The following CACNA1C variants were observed in gnomAD, a reference collection of about 807,000 sequenced individuals.
The protein encoded by CACNA1C is voltage-dependent L-type calcium channel subunit alpha-1C.
A neutral mutation model predicts 229.0 loss-of-function variants in CACNA1C; 30 were observed. The observed-to-expected ratio is 0.13, with a 90% CI of 0.10 to 0.18. CACNA1C has a LOEUF of 0.18. Ranked by LOEUF, CACNA1C falls within the 10% of genes least tolerant of loss-of-function variation. The probability of loss-of-function intolerance (pLI) is 1.00; values close to 1 mark genes in which losing one functional copy is unlikely to be tolerated. For synonymous variants in CACNA1C, 1,114 were observed against 1,132.5 expected (o/e 0.98, Z 0.33); for missense variants, 1,658 against 2,845.0 (o/e 0.58, Z 9.49).
chr12:2,674,604 G>A lies in CACNA1C; in HGVS notation c.4790G>A (p.Ser1597Asn). ...ATCAAGAAGATCTGGAAGCGGACCA[G>A]CATGAAGCTGCTGGACCAGGTGGTG... ...AIIKKIWKRT[S>N]MKLLDQVVPP... Residue 1597 changes from serine (S) to asparagine (N), a missense_variant, in exon 39 of 47, where the codon AGC (serine) becomes AAC (asparagine). Physicochemically the swap from Ser to Asn is conservative, Grantham distance 46 (BLOSUM62 1). This residue lies in a region of CACNA1C where 151 missense variants were observed against 344.4 expected (regional missense o/e 0.44). Transcript: ENST00000399655. 6.3e-7 allele frequency: 1 copy of A among 1,575,236 alleles called. No homozygotes were observed. Among genetic ancestry groups the A allele is most frequent in the Non-Finnish European group, 8.6e-7 (1 of 1,159,910 alleles).
rs760833247 is a variant in CACNA1C, at chr12:2,651,260, A to G, written c.3946-380A>G. On this transcript the variant is annotated intron_variant, in intron 31 of 46. Coordinates refer to ENST00000399655, the MANE Select transcript of CACNA1C (RefSeq NM_000719.7). This position sits in a 1 kb window ranked among gnomAD's most constrained non-coding sequence, Gnocchi z 5.4. ...GGAGACAGGCTAGGACTGCTTCCTC[A>G]GCAGTGCAGAGGAGGGGTTCCCAGG... 2.4e-5 allele frequency: 7 copies of G among 293,650 alleles called. No homozygotes were observed. Among genetic ancestry groups the G allele is most frequent in the Non-Finnish European group, 4.4e-5 (7 of 157,444 alleles). 18.2% of individuals were successfully genotyped at this position (293,650 alleles called of 1,614,324 possible).
chr12:2,134,127 A>G, intron 3 of CACNA1C, among the ~76,000 whole-genome samples: 1 of 40,114 alleles, frequency 2.5e-5, no homozygotes, highest in African/African-American at 1.1e-4. Flanking sequence ...TAGGATTGCA[A>G]CCCCTGCCTT....
chr12:2,463,013 C>T (rs764760602), intron 5 of CACNA1C, among the ~76,000 whole-genome samples: 6 of 150,220 alleles, frequency 4.0e-5, no homozygotes, highest in African/African-American at 9.8e-5. Context: ...CCTGGGTTCA[C>T]GCCATTCTCC....
chr12:2,411,743 G>T (rs997598206), intron 3 of CACNA1C, among the ~76,000 whole-genome samples: 2 of 152,230 alleles, frequency 1.3e-5, no homozygotes, highest in Admixed American at 6.5e-5. Context: ...CAGGGGATTA[G>T]CCCAGCGCTG....
In CACNA1C at chr12:2,330,074, C is replaced by T. The variant is rs1168311220; in HGVS notation, c.478-118902C>T. On this transcript the variant is annotated intron_variant, in intron 3 of 46. Coordinates refer to ENST00000399655, the MANE Select transcript of CACNA1C (RefSeq NM_000719.7). ...TAAGAAAGACAAGCTGAACAGCTGT[C>T]GGGGTCTCCCCACTCACATGGGGTG... is the stretch of plus-strand genomic sequence containing the variant. 4.6e-5 allele frequency among the ~76,000 whole-genome samples: 7 copies of T among 152,226 alleles called. No homozygotes were observed. The East Asian group carries it at 1.2e-3, about 25-fold the overall frequency.
chr12:2,242,969 T>C (rs1329824256), intron 3 of CACNA1C, among the ~76,000 whole-genome samples: 1 of 152,218 alleles, frequency 6.6e-6, no homozygotes. Flanking sequence ...CCCACGATCA[T>C]AGGGTTTATA....
At chr12:2,221,137 CT>C (rs973503008) in intron 3 of CACNA1C, among the ~76,000 whole-genome samples, 104 of 152,298 alleles carry the variant, frequency 6.8e-4, no homozygotes, top group African/African-American at 2.2e-3. Flanking sequence ...GCAGGACAAC[CT>C]TGGCATGTGT....
intron 3 of CACNA1C, among the ~76,000 whole-genome samples, chr12:2,418,062 C>T (rs2098933067): frequency 6.6e-6 from 1 of 152,146 alleles, no homozygotes; most frequent in African/African-American, 2.4e-5. Flanking sequence ...GATTCTTTCC[C>T]ACAGGATGAG....
chr12:2,204,693 A>C lies in CACNA1C; in HGVS notation c.477+84263A>C, dbSNP rs1428008635. ...TCATTCTCAGTAAACTATCACAAGAACAAAAAACTAAACACTGCATATTCT... is the reference window on the plus strand; with the variant it reads ...TCATTCTCAGTAAACTATCACAAGACCAAAAAACTAAACACTGCATATTCT... On this transcript the variant is annotated intron_variant, in intron 3 of 46. Coordinates refer to ENST00000399655, the MANE Select transcript of CACNA1C (RefSeq NM_000719.7). Among the ~76,000 whole-genome samples the C allele has an allele frequency of 1.3e-5, 2 of 149,948 alleles. 1 individual carries two copies. The highest frequency in any genetic ancestry group is 4.9e-5 in the African/African-American group (2 of 40,830).
intron 27 of CACNA1C, 28 bp from the exon 28 acceptor site, chr12:2,610,513 C>T: frequency 6.3e-7 from 1 of 1,597,396 alleles, no homozygotes; most frequent in South Asian, 1.1e-5. Flanking sequence ...ACTAACCCCA[C>T]TCTCCCCATC....
chr12:2,178,079 A>G (rs866948819), intron 3 of CACNA1C, among the ~76,000 whole-genome samples: 1 of 152,342 alleles, frequency 6.6e-6, no homozygotes. Context: ...ATCTGCAGAG[A>G]AAAGGAAGGA....
Position 2,440,912 on chromosome 12 carries a change from C to T in CACNA1C, c.478-8064C>T, listed in dbSNP as rs142932649. 9.8e-3 allele frequency among the ~76,000 whole-genome samples: 1,497 copies of T among 152,234 alleles called. 20 individuals carry two copies. The highest frequency in any genetic ancestry group is 0.034 in the African/African-American group (1,414 of 41,516). On this transcript the variant is annotated intron_variant, in intron 3 of 46. Coordinates refer to ENST00000399655, the MANE Select transcript of CACNA1C (RefSeq NM_000719.7). ...TGCAACTCTCAGGAAGTATTTGTGGCGTGCTGGATGAATACATGGGAGAAG... is the reference window on the plus strand; with the variant it reads ...TGCAACTCTCAGGAAGTATTTGTGGTGTGCTGGATGAATACATGGGAGAAG...
chr12:2,229,454 G>A (rs938058346), intron 3 of CACNA1C, among the ~76,000 whole-genome samples: 2 of 152,166 alleles, frequency 1.3e-5, no homozygotes, highest in African/African-American at 4.8e-5. Flanking sequence ...GTGTCAGGGA[G>A]TTAGCAATAA....
intron 3 of CACNA1C, among the ~76,000 whole-genome samples, chr12:2,280,054 A>G (rs34335441): frequency 0.054 from 8,240 of 152,278 alleles, 278 homozygotes; most frequent in African/African-American, 0.082. Flanking sequence ...CAGCAGATAG[A>G]TGGGTCTTGC....
intron 1 of CACNA1C, among the ~76,000 whole-genome samples, chr12:2,006,283 C>G (rs2043435591): frequency 6.6e-6 from 1 of 152,112 alleles, no homozygotes; most frequent in Non-Finnish European, 1.5e-5. Context: ...TGGCAGGTAC[C>G]TGTAATCCCG....
rs747292862 is a variant in CACNA1C, at chr12:2,606,568, T to C, written c.3157-43T>C. The C allele has an allele frequency of 3.0e-5, 45 of 1,520,768 alleles. No individual in the cohort carries two copies. The African/African-American group carries it at 4.9e-4, about 17-fold the overall frequency. The allele number at this position is 1,520,768 out of a possible 1,614,324, so 94.2% of individuals were successfully genotyped here. On this transcript the variant is annotated intron_variant, in intron 24 of 46. Transcript: ENST00000399655. ...CACTAATTGCTTTTGGATTGACTCA[T>C]TGATTACTGAACATCTCTGATACTC... is the stretch of plus-strand genomic sequence containing the variant.
chr12:2,476,857 C>T (rs997657951), intron 5 of CACNA1C, among the ~76,000 whole-genome samples: 4 of 152,188 alleles, frequency 2.6e-5, no homozygotes, highest in African/African-American at 7.2e-5. Context: ...AATAAGGACA[C>T]TCTAATGAGA....
chr12:2,541,084 G>A (rs1479581094), intron 9 of CACNA1C, among the ~76,000 whole-genome samples: 1 of 152,090 alleles, frequency 6.6e-6, no homozygotes, highest in Non-Finnish European at 1.5e-5. Flanking sequence ...CAGTTGTTCT[G>A]CTTATAAGGA....
At chr12:2,381,490 A>G (rs894360840) in intron 3 of CACNA1C, among the ~76,000 whole-genome samples, 5 of 152,236 alleles carry the variant, frequency 3.3e-5, no homozygotes, top group Admixed American at 1.3e-4. Flanking sequence ...GTATTGACCA[A>G]GTAGCCTTCC....
Sources: allele counts gnomAD v4.1 joint callset (sites outside exome capture counted in the v4.1 genomes callset), GRCh38; gene constraint gnomAD v4.1.1; regional missense constraint gnomAD v4.1.1; non-coding constraint Gnocchi (gnomAD v3.1); transcripts MANE v1.5; gene names NCBI Gene and HGNC (gene_info 2026-07-23, HGNC 2026-07-21).